Variants in BICD1 observed in about 807,000 individuals in gnomAD.
The protein encoded by BICD1 is BICD cargo adaptor 1.
In BICD1, 35 loss-of-function variants were observed where a neutral mutation model predicts 92.5. The ratio of observed to expected loss-of-function variants is 0.38; its 90% CI spans 0.29 to 0.50. The LOEUF is 0.50. Among genes scored for constraint, BICD1 ranks in the 20% least tolerant of loss-of-function variants. The probability of loss-of-function intolerance (pLI) is 0.93; values close to 1 mark genes in which losing one functional copy is unlikely to be tolerated. For synonymous variants in BICD1, 429 were observed against 465.1 expected, an observed-to-expected ratio of 0.92 and a Z score of 1.00; for missense variants, 950 against 1,189.8, an observed-to-expected ratio of 0.80 and a Z score of 2.97.
intron 8 of BICD1, chr12:32,353,458 G>T (rs1178985575): frequency 2.7e-5 from 4 of 148,012 alleles, no homozygotes; most frequent in African/African-American, 1.0e-4. Context: ...TCTTAAAAAT[G>T]AAAAAAAAAG....
chr12:32,370,653 C>T (rs769771920), intron 9 of BICD1, among the ~76,000 whole-genome samples: 18 of 152,186 alleles, frequency 1.2e-4, no homozygotes, highest in Admixed American at 2.0e-4. Flanking sequence ...GGTTGTTTAA[C>T]TTTGGAAAAT....
At chr12:32,162,498 A>G (rs553109564) in intron 1 of BICD1, among the ~76,000 whole-genome samples, 1 of 152,318 alleles carries the variant, frequency 6.6e-6, no homozygotes, top group East Asian at 1.9e-4. Flanking sequence ...ATCCATTTCC[A>G]TATCTATAAA....
intron 1 of BICD1, among the ~76,000 whole-genome samples, chr12:32,195,052 T>C (rs1944688485): frequency 6.9e-6 from 1 of 145,476 alleles, no homozygotes; most frequent in Non-Finnish European, 1.5e-5. Flanking sequence ...AAGTCATGAT[T>C]GTGCCACTGC....
chr12:32,157,060 G>A (rs889023876), intron 1 of BICD1, among the ~76,000 whole-genome samples: 9 of 152,018 alleles, frequency 5.9e-5, no homozygotes, highest in African/African-American at 2.2e-4. Context: ...AATTACATGT[G>A]CTCGTTATTA....
At chr12:32,376,357 G>A (rs931934398) in intron 9 of BICD1, among the ~76,000 whole-genome samples, 1 of 151,930 alleles carries the variant, frequency 6.6e-6, no homozygotes, top group Non-Finnish European at 1.5e-5. Flanking sequence ...AAAGTGCTGG[G>A]ATTACAGGTG....
chr12:32,134,660 G>A (rs1419803191), intron 1 of BICD1, among the ~76,000 whole-genome samples: 2 of 152,188 alleles, frequency 1.3e-5, no homozygotes, highest in Non-Finnish European at 2.9e-5. Flanking sequence ...CTGTCATTGT[G>A]TGCCTCTCTC....
chr12:32,138,169 T>C (rs1286455204), intron 1 of BICD1, among the ~76,000 whole-genome samples: 3 of 152,358 alleles, frequency 2.0e-5, no homozygotes, highest in South Asian at 2.1e-4. Context: ...GTGCTAGATA[T>C]TTAATATGCC....
intron 2 of BICD1, among the ~76,000 whole-genome samples, chr12:32,263,561 A>G (rs73312703): frequency 0.028 from 4,226 of 152,132 alleles, 216 homozygotes; most frequent in African/African-American, 0.097. Context: ...AAAAAAAAAA[A>G]AAAGTATTAC....
intron 1 of BICD1, among the ~76,000 whole-genome samples, chr12:32,183,211 A>G (rs1463409165): frequency 6.7e-6 from 1 of 148,686 alleles, no homozygotes; most frequent in Non-Finnish European, 1.5e-5. Context: ...TAGGTTTCTT[A>G]ATTTTATTTC....
At chr12:32,372,305 C>T (rs1463819646) in intron 9 of BICD1, among the ~76,000 whole-genome samples, 3 of 152,046 alleles carry the variant, frequency 2.0e-5, no homozygotes, top group Admixed American at 6.6e-5. Context: ...TATGGTGAAA[C>T]GGCATCTCTA....
intron 2 of BICD1, among the ~76,000 whole-genome samples, chr12:32,238,132 G>A (rs533298604): frequency 9.1e-4 from 139 of 152,232 alleles, no homozygotes; most frequent in Non-Finnish European, 1.5e-3. Flanking sequence ...GAGCAGGCTG[G>A]GCATGGTGGC....
chr12:32,180,666 T>C (rs1350416906), intron 1 of BICD1, among the ~76,000 whole-genome samples: 1 of 151,986 alleles, frequency 6.6e-6, no homozygotes, highest in African/African-American at 2.4e-5. Context: ...CTAACCTTCT[T>C]CTTTCCTAAT....
intron 2 of BICD1, chr12:32,227,445 C>T (rs1231195896): frequency 6.6e-6 from 1 of 152,336 alleles, no homozygotes; most frequent in Non-Finnish European, 1.5e-5. Context: ...AGTGTAGTGG[C>T]AGAGGCTGGT....
intron 1 of BICD1, among the ~76,000 whole-genome samples, chr12:32,142,405 T>TAAAAA (rs1162662533): frequency 6.2e-4 from 39 of 63,392 alleles, no homozygotes; most frequent in African/African-American, 2.4e-3. Context: ...AGACTCTGTC[T>TAAAAA]AAAAAAAAAA....
chr12:32,332,905 T>C lies in BICD1; in HGVS notation c.2101-1611T>C, dbSNP rs896182589. 13 of 985,392 alleles carry C rather than the reference T, an allele frequency of 1.3e-5. No individual in the cohort carries two copies. In the African/African-American group the frequency reaches 2.3e-4, roughly 17 times the overall value. The allele number at this position is 985,392 out of a possible 1,614,324, so 61.0% of individuals were successfully genotyped here. On this transcript the variant is annotated intron_variant, in intron 5 of 9. Transcript: ENST00000652176. Reference sequence around the variant, plus strand: ...TCAACTTTGGAATGTGTGGAGAAAGTGGTGAAAGCAGAAATCAGCAAATCC... The same window carrying C: ...TCAACTTTGGAATGTGTGGAGAAAGCGGTGAAAGCAGAAATCAGCAAATCC...
chr12:32,360,157 G>C (rs1012917809), intron 8 of BICD1, among the ~76,000 whole-genome samples: 1 of 151,150 alleles, frequency 6.6e-6, no homozygotes, highest in African/African-American at 2.4e-5. Flanking sequence ...CAGCCTGTGC[G>C]ACAGAGTGAG....
Position 32,224,444 on chromosome 12 carries a change from G to A in BICD1, c.426+7985G>A, listed in dbSNP as rs375270388. 4.9e-4 allele frequency among the ~76,000 whole-genome samples: 74 copies of A among 152,326 alleles called. 1 individual carries two copies. The South Asian group carries it at 0.012, about 24-fold the overall frequency. ...CTCAACAAACTTGCAGCGCATATGC[G>A]ATTCCACAGGAGAGAGCTCTATTTC... On this transcript the variant is annotated intron_variant, in intron 2 of 9. Coordinates refer to ENST00000652176, the MANE Select transcript of BICD1 (RefSeq NM_001714.4).
At chr12:32,167,321 C>T (rs1011648165) in intron 1 of BICD1, among the ~76,000 whole-genome samples, 2 of 152,180 alleles carry the variant, frequency 1.3e-5, no homozygotes, top group Non-Finnish European at 2.9e-5. Flanking sequence ...AGCAATGATG[C>T]ATTTATGATA....
At chr12:32,354,145 A>G (rs1592713210) in intron 8 of BICD1, 2 of 152,320 alleles carry the variant, frequency 1.3e-5, no homozygotes, top group South Asian at 2.1e-4. Flanking sequence ...TTTTGCATGA[A>G]TATTACTTTG....
Sources: allele counts gnomAD v4.1 joint callset (sites outside exome capture counted in the v4.1 genomes callset), GRCh38; gene constraint gnomAD v4.1.1; transcripts MANE v1.5; gene names NCBI Gene and HGNC (gene_info 2026-07-23, HGNC 2026-07-21).